NAV3: variants seen among roughly 807,000 people sequenced by gnomAD.
NAV3 encodes neuron navigator 3.
A neutral mutation model predicts 244.7 loss-of-function variants in NAV3; 87 were observed. That is an observed-to-expected ratio of 0.36 (90% CI 0.30 to 0.42). NAV3 has a LOEUF of 0.42. NAV3 is among the 20% of genes least tolerant of loss of function. The pLI, the probability that NAV3 is intolerant of heterozygous loss-of-function variation, is 1.00. For synonymous variants in NAV3, 1,126 were observed against 1,042.2 expected (o/e 1.08, Z -1.55); for missense variants, 2,663 against 2,893.3 (o/e 0.92, Z 1.83).
intron 2 of NAV3, among the ~76,000 whole-genome samples, chr12:77,618,475 G>A (rs1416532660): frequency 1.3e-5 from 2 of 152,002 alleles, no homozygotes; most frequent in African/African-American, 2.4e-5. Flanking sequence ...TGCAATATTC[G>A]ATTGAAAAAT....
At chr12:77,987,374 T>A (rs906464202) in intron 5 of NAV3, among the ~76,000 whole-genome samples, 2 of 152,220 alleles carry the variant, frequency 1.3e-5, no homozygotes. Flanking sequence ...AAAGACTTAA[T>A]TTTCATATTT....
rs1266444077 is a variant in NAV3 at position 78,121,940 on chromosome 12, G to A, written c.3750G>A (p.Arg1250=). ...YPDIASPTFR[R]LFGAKAGGKS... ...AAGTTGTTATTTGTTTTTCTTTTAG[G>A]TTGTTTGGTGCCAAGGCAGGTGGCA... The change falls in exon 16 of 40, where the codon AGG becomes AGA. Residue 1250 remains arginine, a splice_region_variant and synonymous_variant. Transcript: ENST00000397909. The A allele has an allele frequency of 1.2e-6, 2 of 1,612,718 alleles. No individual in the cohort carries two copies. The highest frequency in any genetic ancestry group is 1.7e-6 in the Non-Finnish European group (2 of 1,178,918).
At chr12:77,939,010 C>T (rs1040368741) in intron 1 of NAV3, among the ~76,000 whole-genome samples, 1 of 150,944 alleles carries the variant, frequency 6.6e-6, no homozygotes, top group African/African-American at 2.4e-5. Flanking sequence ...AATTCTGGAA[C>T]TCTTCATACC....
chr12:77,939,235 C>G (rs968028232), intron 1 of NAV3, among the ~76,000 whole-genome samples: 3 of 151,998 alleles, frequency 2.0e-5, no homozygotes, highest in Non-Finnish European at 2.9e-5. Flanking sequence ...GACATTCTGC[C>G]TCAATTACAG....
intron 2 of NAV3, among the ~76,000 whole-genome samples, chr12:77,742,647 A>G (rs1038502556): frequency 2.0e-5 from 3 of 152,086 alleles, no homozygotes; most frequent in African/African-American, 7.2e-5. Context: ...GTGCACACAA[A>G]CACAAATTGT....
chr12:77,910,810 C>A (rs570052152), intron 1 of NAV3, among the ~76,000 whole-genome samples: 4 of 152,152 alleles, frequency 2.6e-5, no homozygotes, highest in Admixed American at 6.6e-5. Context: ...ATAAGGTACA[C>A]CCTAATAGGT....
rs1410280105 is a variant in NAV3, at chr12:78,116,898, T to C, written c.2763T>C (p.Asn921=). The C allele has an allele frequency of 3.7e-6, 6 of 1,610,556 alleles. No homozygotes were observed. The highest frequency in any genetic ancestry group is 3.3e-4 in the Middle Eastern group (2 of 6,042). ...YSNITVPSRK[N]TQLRTDSEKR... is the part of the protein sequence containing the mutation. ...ACATCACCGTCCCCTCTAGGAAGAATACTCAGGTGAGAATTACCACCTTTC... is the reference window on the plus strand; with the variant it reads ...ACATCACCGTCCCCTCTAGGAAGAACACTCAGGTGAGAATTACCACCTTTC... Residue 921 remains asparagine, a synonymous_variant, in exon 13 of 40, where the codon AAT becomes AAC. Coordinates refer to ENST00000397909, the MANE Select transcript of NAV3 (RefSeq NM_001024383.2).
intron 2 of NAV3, among the ~76,000 whole-genome samples, chr12:77,674,261 A>G (rs950472296): frequency 1.3e-5 from 2 of 152,254 alleles, no homozygotes; most frequent in Non-Finnish European, 2.9e-5. Context: ...GGCTGACTAC[A>G]TAGGCAAATC....
At chr12:78,012,956 T>C (rs1875562247) in intron 8 of NAV3, among the ~76,000 whole-genome samples, 1 of 152,076 alleles carries the variant, frequency 6.6e-6, no homozygotes, top group African/African-American at 2.4e-5. Context: ...AATTGTTGAA[T>C]GAAACACTAT....
chr12:77,916,698 A>T (rs1398054603), intron 1 of NAV3, among the ~76,000 whole-genome samples: 4 of 152,062 alleles, frequency 2.6e-5, no homozygotes, highest in African/African-American at 9.7e-5. Context: ...GTTTTTCGTC[A>T]GACTTTTGAG....
intron 3 of NAV3, among the ~76,000 whole-genome samples, chr12:77,965,890 A>G (rs535630107): frequency 1.3e-5 from 2 of 152,290 alleles, no homozygotes; most frequent in East Asian, 1.9e-4. Context: ...TAAGACTCAC[A>G]CATGCAACAA....
intron 12 of NAV3, among the ~76,000 whole-genome samples, chr12:78,103,637 C>A (rs1450378427): frequency 6.6e-6 from 1 of 152,212 alleles, no homozygotes; most frequent in Admixed American, 6.5e-5. Context: ...ATTGGACTTA[C>A]AGTTCCACAT....
At chr12:77,960,741 G>A (rs1213117926) in intron 3 of NAV3, among the ~76,000 whole-genome samples, 1 of 146,498 alleles carries the variant, frequency 6.8e-6, no homozygotes, top group Non-Finnish European at 1.5e-5. Flanking sequence ...TATGTATCAT[G>A]TATATAATAT....
chr12:77,815,006 A>G (rs1872472976), intron 2 of NAV3, among the ~76,000 whole-genome samples: 1 of 152,208 alleles, frequency 6.6e-6, no homozygotes, highest in Non-Finnish European at 1.5e-5. Context: ...CTGTCAGGAA[A>G]TGAAACTATC....
chr12:78,096,018 C>T (rs1316707963), intron 12 of NAV3, among the ~76,000 whole-genome samples: 1 of 152,132 alleles, frequency 6.6e-6, no homozygotes, highest in East Asian at 1.9e-4. Context: ...AGATAAATTT[C>T]ATTTCCTGAT....
At chr12:77,600,832 A>C (rs527415411) in intron 2 of NAV3, among the ~76,000 whole-genome samples, 3 of 151,976 alleles carry the variant, frequency 2.0e-5, no homozygotes, top group African/African-American at 7.2e-5. Context: ...GGCTCCTAGT[A>C]TCTTTTCAGG....
intron 3 of NAV3, among the ~76,000 whole-genome samples, chr12:77,945,522 G>T (rs143161802): frequency 2.3e-3 from 347 of 152,254 alleles, no homozygotes; most frequent in African/African-American, 7.6e-3. Context: ...TTCTAGTTCT[G>T]TAGGGTATAA....
intron 2 of NAV3, among the ~76,000 whole-genome samples, chr12:77,804,505 C>A (rs186852397): frequency 5.7e-4 from 86 of 152,122 alleles, no homozygotes; most frequent in African/African-American, 1.5e-3. Context: ...ATTTCTGAGA[C>A]CTCTGTTCTG....
At chr12:78,176,876 A>G (rs182013542) in intron 26 of NAV3, among the ~76,000 whole-genome samples, 3 of 152,226 alleles carry the variant, frequency 2.0e-5, no homozygotes, top group African/African-American at 7.2e-5. Flanking sequence ...GTTTTAAATG[A>G]GTGCTCTGAC....
Sources: allele counts gnomAD v4.1 joint callset (sites outside exome capture counted in the v4.1 genomes callset), GRCh38; gene constraint gnomAD v4.1.1; transcripts MANE v1.5; gene names NCBI Gene and HGNC (gene_info 2026-07-23, HGNC 2026-07-21).